The following PALS2 variants were observed in gnomAD, a reference collection of about 807,000 sequenced individuals.
PALS2 encodes protein PALS2.
A neutral mutation model predicts 61.6 loss-of-function variants in PALS2; 27 were observed. The observed-to-expected ratio is 0.44, with a 90% CI of 0.32 to 0.60. PALS2 has a LOEUF of 0.60. Ranked by LOEUF, PALS2 falls within the 20% of genes least tolerant of loss-of-function variation. The pLI, the probability that PALS2 is intolerant of heterozygous loss-of-function variation, is 0.05. For synonymous variants in PALS2, 236 were observed against 218.6 expected, an observed-to-expected ratio of 1.08 and a Z score of -0.70; for missense variants, 554 against 639.4, an observed-to-expected ratio of 0.87 and a Z score of 1.44.
At chr7:24,595,880 GGA>G (rs1255820732) in intron 1 of PALS2, among the ~76,000 whole-genome samples, 4 of 140,006 alleles carry the variant, frequency 2.9e-5, no homozygotes, top group South Asian at 2.3e-4. Context: ...AGCATTTCAA[GGA>G]GAGAGAACAG....
At chr7:24,661,071 TA>T (rs1473339645) in intron 5 of PALS2, among the ~76,000 whole-genome samples, 1 of 152,202 alleles carries the variant, frequency 6.6e-6, no homozygotes, top group Non-Finnish European at 1.5e-5. Flanking sequence ...GAAATAGAAA[TA>T]TTTTAGTAGG....
chr7:24,616,743 A>T (rs960292290), intron 1 of PALS2, among the ~76,000 whole-genome samples: 2 of 152,028 alleles, frequency 1.3e-5, no homozygotes, highest in African/African-American at 4.8e-5. Flanking sequence ...CTTGTTTCTT[A>T]CATTCTCTTA....
intron 9 of PALS2, among the ~76,000 whole-genome samples, chr7:24,677,076 T>A (rs1251742204): frequency 3.3e-5 from 5 of 151,926 alleles, no homozygotes; most frequent in African/African-American, 1.2e-4. Context: ...TAGTTCTCCT[T>A]GAAGAGGTCC....
chr7:24,580,165 G>A (rs542209634), intron 1 of PALS2, among the ~76,000 whole-genome samples: 1 of 152,278 alleles, frequency 6.6e-6, no homozygotes, highest in East Asian at 1.9e-4. Context: ...TTACTTAAAT[G>A]CATATTTCAA....
At chr7:24,605,804 A>C (rs1783878773) in intron 1 of PALS2, among the ~76,000 whole-genome samples, 1 of 152,182 alleles carries the variant, frequency 6.6e-6, no homozygotes, top group African/African-American at 2.4e-5. Flanking sequence ...TAACAAATGG[A>C]TTGCCCAAGC....
chr7:24,608,234 T>C (rs1783994297), intron 1 of PALS2, among the ~76,000 whole-genome samples: 1 of 152,204 alleles, frequency 6.6e-6, no homozygotes, highest in South Asian at 2.1e-4. Flanking sequence ...CCTTTTACAT[T>C]AACATTTTTC....
chr7:24,675,969 T>C (rs1787560600), intron 9 of PALS2, among the ~76,000 whole-genome samples: 1 of 150,294 alleles, frequency 6.7e-6, no homozygotes, highest in Admixed American at 6.6e-5. Flanking sequence ...ATCGCCACAC[T>C]GACTTCCAGA....
At chr7:24,593,525 A>T (rs933620727) in intron 1 of PALS2, among the ~76,000 whole-genome samples, 1 of 152,130 alleles carries the variant, frequency 6.6e-6, no homozygotes. Flanking sequence ...GTCTTATGAG[A>T]TGTATTTCTT....
At chr7:24,591,530 AAAAT>A (rs1783286183) in intron 1 of PALS2, among the ~76,000 whole-genome samples, 1 of 152,200 alleles carries the variant, frequency 6.6e-6, no homozygotes, top group African/African-American at 2.4e-5. Context: ...TTAGAGTACA[AAAAT>A]AAATAAAATG....
Position 24,685,668 on chromosome 7 carries a change from TA to T in PALS2, c.1447-1768del, listed in dbSNP as rs1192312426. Reference sequence around the variant, plus strand: ...CAGGGTTTTTTTTTTTTTTTTTTTTTAACAAATCAGATTGCTAATAGGCAAG... The same window carrying T: ...CAGGGTTTTTTTTTTTTTTTTTTTTTACAAATCAGATTGCTAATAGGCAAG... On this transcript the variant is annotated intron_variant, in intron 11 of 11. Transcript: ENST00000222644. 2.9e-5 allele frequency among the ~76,000 whole-genome samples: 4 copies of T among 137,142 alleles called. No individual in the cohort carries two copies. The East Asian group carries it at 6.8e-4, about 23-fold the overall frequency. The allele number at this position is 137,142 out of a possible 152,430, so 90.0% of individuals were successfully genotyped here. A position where few individuals can be genotyped will look rare whatever the true frequency, so the allele number is the denominator to read the frequency against.
intron 9 of PALS2, among the ~76,000 whole-genome samples, chr7:24,669,453 A>G (rs1787191602): frequency 6.6e-6 from 1 of 152,190 alleles, no homozygotes; most frequent in South Asian, 2.1e-4. Flanking sequence ...GTGGATCTTT[A>G]CTTGTGAACT....
At chr7:24,579,326 A>G (rs192103724) in intron 1 of PALS2, among the ~76,000 whole-genome samples, 5 of 152,348 alleles carry the variant, frequency 3.3e-5, no homozygotes, top group Admixed American at 3.3e-4. Context: ...ACACAAATCA[A>G]AATCTGATGT....
intron 1 of PALS2, among the ~76,000 whole-genome samples, chr7:24,614,472 A>G (rs1384767676): frequency 6.6e-6 from 1 of 151,912 alleles, no homozygotes; most frequent in Non-Finnish European, 1.5e-5. Flanking sequence ...TCCCTTTCCA[A>G]TTTGGATGCC....
chr7:24,619,295 G>A (rs767030146), intron 1 of PALS2, among the ~76,000 whole-genome samples: 2 of 152,058 alleles, frequency 1.3e-5, no homozygotes, highest in African/African-American at 4.8e-5. Context: ...TCATGCTTTT[G>A]TTTGTTGAAT....
intron 2 of PALS2, among the ~76,000 whole-genome samples, chr7:24,639,405 TACACACAC>T (rs10607962): frequency 3.4e-4 from 51 of 148,660 alleles, no homozygotes; most frequent in Middle Eastern, 3.5e-3. Flanking sequence ...CTTTGCTGAA[TACACACAC>T]ACACACACAC....
chr7:24,630,946 G>A (rs1368551546), intron 2 of PALS2, among the ~76,000 whole-genome samples: 1 of 152,126 alleles, frequency 6.6e-6, no homozygotes, highest in African/African-American at 2.4e-5. Flanking sequence ...CAAGAGCTCG[G>A]ACAGAAATGT....
At chr7:24,672,914 C>G (rs1787373042) in intron 9 of PALS2, among the ~76,000 whole-genome samples, 1 of 152,130 alleles carries the variant, frequency 6.6e-6, no homozygotes, top group African/African-American at 2.4e-5. Flanking sequence ...CTACTTTCCT[C>G]AACTAGAACC....
chr7:24,692,507 T>G lies in PALS2; in HGVS notation c.*4893T>G, dbSNP rs1433955961. 2.0e-5 allele frequency: 3 copies of G among 152,196 alleles called. No homozygotes were observed. The highest frequency in any genetic ancestry group is 4.4e-5 in the Non-Finnish European group (3 of 68,004). The allele number at this position is 152,196 out of a possible 1,614,324, so 9.4% of individuals were successfully genotyped here. On this transcript the variant is annotated 3_prime_UTR_variant, in exon 12 of 12. Transcript: ENST00000222644. Reference sequence around the variant, plus strand: ...GCTACTTTATCTGTTCTCTTTTAGTTATTTTAAAGTGTACCTGTTTCTGAA... The same window carrying G: ...GCTACTTTATCTGTTCTCTTTTAGTGATTTTAAAGTGTACCTGTTTCTGAA...
intron 11 of PALS2, among the ~76,000 whole-genome samples, chr7:24,681,950 C>T (rs1251778833): frequency 6.6e-6 from 1 of 152,118 alleles, no homozygotes; most frequent in Non-Finnish European, 1.5e-5. Flanking sequence ...CAGGTTCTAA[C>T]ATTTGAGTCA....
Sources: gnomAD v4.1 joint callset for allele counts (sites outside exome capture counted in the v4.1 genomes callset) on GRCh38, gnomAD v4.1.1 for gene constraint, MANE v1.5 for transcripts, NCBI Gene and HGNC (gene_info 2026-07-23, HGNC 2026-07-21) for gene names.